Variants in UNC13B observed in about 807,000 individuals in gnomAD.
UNC13B encodes the protein unc-13 homolog B.
UNC13B carries 144 observed loss-of-function variants against 211.0 expected under a neutral mutation model. The ratio of observed to expected loss-of-function variants is 0.68; its 90% CI spans 0.60 to 0.78. The LOEUF is 0.78. Ranked by LOEUF, UNC13B falls within the 30% of genes least tolerant of loss-of-function variation. The pLI is 0.00. For missense variants in UNC13B, 1,777 were observed against 2,002.0 expected (o/e 0.89, Z 2.14); for synonymous variants, 709 against 725.8 (o/e 0.98, Z 0.37).
chr9:35,338,431 G>C (rs1379137031), intron 11 of UNC13B, among the ~76,000 whole-genome samples: 1 of 152,082 alleles, frequency 6.6e-6, no homozygotes, highest in Non-Finnish European at 1.5e-5. Flanking sequence ...TCTCTGCCAG[G>C]CTTGTCACTC....
intron 1 of UNC13B, among the ~76,000 whole-genome samples, chr9:35,182,701 C>T (rs922476101): frequency 8.5e-5 from 13 of 152,276 alleles, no homozygotes; most frequent in African/African-American, 3.1e-4. Context: ...CTTCAAGCAT[C>T]TGTTTAACAA....
Position 35,358,733 on chromosome 9 carries a change from G to A in UNC13B, c.9415-8214G>A, listed in dbSNP as rs181524010. 5.3e-5 allele frequency among the ~76,000 whole-genome samples: 6 copies of A among 112,178 alleles called. No homozygotes were observed. In the Admixed American group the frequency reaches 7.0e-4, roughly 13 times the overall value. The allele number at this position is 112,178 out of a possible 152,430, so 73.6% of individuals were successfully genotyped here. A position where few individuals can be genotyped will look rare whatever the true frequency, so the allele number is the denominator to read the frequency against. ...TTTTGAGACGGAGTTTTGCTCTGTT[G>A]CCCAGGCTGGAGTGCAGTGGCGTGA... On this transcript the variant is annotated intron_variant, in intron 11 of 39. Coordinates refer to ENST00000635942, the MANE Select transcript of UNC13B (RefSeq NM_001371189.2).
At chr9:35,177,153 G>A (rs1821682364) in intron 1 of UNC13B, among the ~76,000 whole-genome samples, 1 of 152,100 alleles carries the variant, frequency 6.6e-6, no homozygotes, top group Non-Finnish European at 1.5e-5. Context: ...CGGGCGTGGT[G>A]GCCGGTGCCT....
chr9:35,349,508 G>A (rs886523535), intron 11 of UNC13B, among the ~76,000 whole-genome samples: 2 of 152,186 alleles, frequency 1.3e-5, no homozygotes, highest in African/African-American at 4.8e-5. Context: ...TGCAGGTAGT[G>A]CATCCTCGCA....
chr9:35,351,245 T>C, intron 11 of UNC13B: 1 of 1,083,636 alleles, frequency 9.2e-7, no homozygotes, highest in Non-Finnish European at 1.1e-6. Context: ...CAAACTAAAA[T>C]CATCCTGCTA....
At chr9:35,378,556 C>T in intron 17 of UNC13B, 120 bp downstream of exon 17, 4 of 1,314,926 alleles carry the variant, frequency 3.0e-6, no homozygotes, top group Non-Finnish European at 4.3e-6. Context: ...AAACTCATTT[C>T]TCGCATGCTT....
intron 1 of UNC13B, among the ~76,000 whole-genome samples, chr9:35,178,605 T>C (rs1821766054): frequency 6.6e-6 from 1 of 152,100 alleles, no homozygotes; most frequent in African/African-American, 2.4e-5. Context: ...TGGTTACATA[T>C]GAGAAAATAG....
rs1829809451 is a variant in UNC13B, at chr9:35,304,016, C to T, written c.4612C>T (p.Gln1538Ter). ...DYGYYMFHDG[Q>*]YIYSLLTDST... ...TGGATATTATATGTTTCATGATGGT[C>T]AATATATCTATTCTCTTCTCACTGA... is the stretch of plus-strand genomic sequence containing the variant. Residue 1538 changes from glutamine to a stop codon, truncating the protein, a stop_gained, in exon 9 of 40, where the codon CAA becomes TAA. Coordinates refer to ENST00000635942, the MANE Select transcript of UNC13B (RefSeq NM_001371189.2). LOFTEE classifies it high-confidence loss of function. 2.5e-6 allele frequency: 1 copy of T among 398,502 alleles called. No homozygotes were observed. The highest frequency in any genetic ancestry group is 1.3e-4 in the South Asian group (1 of 7,830). The allele number at this position is 398,502 out of a possible 1,614,324, so 24.7% of individuals were successfully genotyped here. A position where few individuals can be genotyped will look rare whatever the true frequency, so the allele number is the denominator to read the frequency against.
chr9:35,251,185 C>T (rs1049193129), intron 6 of UNC13B, among the ~76,000 whole-genome samples: 4 of 151,942 alleles, frequency 2.6e-5, no homozygotes, highest in East Asian at 1.9e-4. Flanking sequence ...AGGACGGTCT[C>T]GATCCTCTGA....
intron 2 of UNC13B, among the ~76,000 whole-genome samples, chr9:35,230,714 T>C (rs1189683912): frequency 2.0e-5 from 3 of 152,098 alleles, no homozygotes; most frequent in African/African-American, 7.2e-5. Context: ...GATTTGGATT[T>C]TTCCCCCCAG....
chr9:35,341,564 A>G (rs1407525430), intron 11 of UNC13B, among the ~76,000 whole-genome samples: 1 of 152,150 alleles, frequency 6.6e-6, no homozygotes, highest in Non-Finnish European at 1.5e-5. Context: ...TCCTGAAAGT[A>G]TAGGTCTCCA....
intron 11 of UNC13B, among the ~76,000 whole-genome samples, chr9:35,330,155 C>T (rs902887811): frequency 6.6e-6 from 1 of 152,224 alleles, no homozygotes. Context: ...GGGATAGCGA[C>T]TTGTTCTCTC....
chr9:35,305,045 G>A lies in UNC13B; in HGVS notation c.5641G>A (p.Asp1881Asn), dbSNP rs1829860081. Residue 1881 changes from aspartate (D) to asparagine (N), a missense_variant, in exon 9 of 40, where the codon GAC becomes AAC. Asp to Asn is a conservative substitution (Grantham distance 23). Transcript: ENST00000635942. Reference sequence around the variant, plus strand: ...AAAAGATGATGAAATCATTACAACAGACTCTATTTCAGTTTCTCCTGCACC... The same window carrying A: ...AAAAGATGATGAAATCATTACAACAAACTCTATTTCAGTTTCTCCTGCACC... The part of the protein sequence containing the change: ...GVKDDEIITT[D>N]SISVSPAPQH... 2.5e-6 allele frequency: 1 copy of A among 398,936 alleles called. No homozygotes were observed. Among genetic ancestry groups the A allele is most frequent in the Non-Finnish European group, 4.4e-6 (1 of 225,998 alleles). 24.7% of individuals were successfully genotyped at this position (398,936 alleles called of 1,614,324 possible). A position where few individuals can be genotyped will look rare whatever the true frequency, so the allele number is the denominator to read the frequency against.
At chr9:35,291,409 T>A (rs1190606862) in intron 7 of UNC13B, among the ~76,000 whole-genome samples, 5 of 152,194 alleles carry the variant, frequency 3.3e-5, no homozygotes. Flanking sequence ...TAGTGTGGCC[T>A]TCTCCTTTGG....
chr9:35,346,343 C>A (rs997413034), intron 11 of UNC13B, among the ~76,000 whole-genome samples: 5 of 152,078 alleles, frequency 3.3e-5, no homozygotes, highest in Admixed American at 2.0e-4. Context: ...TCCTCTAAGC[C>A]AGATTTGGGT....
chr9:35,385,666 G>C, intron 22 of UNC13B, 58 bp from the exon 23 acceptor site: 4 of 1,524,586 alleles, frequency 2.6e-6, no homozygotes, highest in Non-Finnish European at 3.5e-6. Flanking sequence ...ATCACTTTTG[G>C]CAGGGAAGGT....
At chr9:35,263,984 A>G (rs1329230864) in intron 7 of UNC13B, among the ~76,000 whole-genome samples, 1 of 152,210 alleles carries the variant, frequency 6.6e-6, no homozygotes, top group Admixed American at 6.5e-5. Context: ...GATTTCGTTA[A>G]GGCAATCCAA....
chr9:35,403,057 A>T, intron 37 of UNC13B, 110 bp from the exon 38 acceptor site: 1 of 823,224 alleles, frequency 1.2e-6, no homozygotes, highest in Non-Finnish European at 2.0e-6. Flanking sequence ...TCCCATGGTT[A>T]CTGTGGTGAT....
chr9:35,399,228 G>A lies in UNC13B; in HGVS notation c.12142G>A (p.Val4048Met), dbSNP rs1231534192. The A allele has an allele frequency of 1.6e-5, 26 of 1,614,012 alleles. No individual in the cohort carries two copies. Among genetic ancestry groups the A allele is most frequent in the African/African-American group, 5.3e-5 (4 of 74,910 alleles). The change falls in exon 34 of 40, where the codon GTG (valine) becomes ATG (methionine). Residue 4048 changes from valine to methionine, a missense_variant. By Grantham distance (21) the Val-to-Met change is conservative. Coordinates refer to ENST00000635942, the MANE Select transcript of UNC13B (RefSeq NM_001371189.2). ...LKRVLKELWR[V>M]VMNTMERMIV... is the part of the protein sequence containing the mutation. The stretch of plus-strand genomic sequence containing the variant: ...GCGTGTACTGAAGGAGCTCTGGCGC[G>A]TGGTGATGAACACAATGGAGAGGAT...
Sources: gnomAD v4.1 joint callset for allele counts (sites outside exome capture counted in the v4.1 genomes callset) on GRCh38, gnomAD v4.1.1 for gene constraint, MANE v1.5 for transcripts, NCBI Gene and HGNC (gene_info 2026-07-23, HGNC 2026-07-21) for gene names.